Variants in DRP2 observed in about 807,000 individuals in gnomAD.
The protein encoded by DRP2 is dystrophin-related protein 2.
A neutral mutation model predicts 78.2 loss-of-function variants in DRP2; 29 were observed. The ratio of observed to expected loss-of-function variants is 0.37; its 90% confidence interval spans 0.28 to 0.51. The LOEUF (loss-of-function observed/expected upper bound fraction) is 0.51. DRP2 is among the 20% of genes least tolerant of loss of function. The pLI is 0.94. For missense variants in DRP2, 686 were observed against 770.6 expected, an observed-to-expected ratio of 0.89 and a Z score of 1.30; for synonymous variants, 290 against 281.9, an observed-to-expected ratio of 1.03 and a Z score of -0.29.
chrX:101,241,132 T>C (rs1174290806), intron 6 of DRP2, among the ~76,000 whole-genome samples: 1 of 112,431 alleles, frequency 8.9e-6, no homozygotes, highest in Non-Finnish European at 1.9e-5. Flanking sequence ...CCTACTGTTT[T>C]AAAATATGAG....
At chrX:101,242,785 G>C in intron 8 of DRP2, 119 bp from the exon 9 acceptor site, 1 of 720,515 alleles carries the variant, frequency 1.4e-6, no homozygotes. Context: ...GGTGGGAGAG[G>C]CTGGAACCAG....
Position 101,242,785 on chromosome X carries a change from G to T in DRP2, c.976-119G>T, listed in dbSNP as rs1018014221. On this transcript the variant is annotated intron_variant, in intron 8 of 23. Coordinates refer to ENST00000395209, the MANE Select transcript of DRP2 (RefSeq NM_001939.3). ...TAGGAGTTGGGTGACGGTGGGAGAG[G>T]CTGGAACCAGAGAAAAGCCAGTCCC... 621 of 717,963 alleles carry T rather than the reference G, an allele frequency of 8.6e-4. 4 individuals are homozygous for T. The highest frequency in any genetic ancestry group is 3.6e-4 in the Admixed American group (14 of 38,806). The allele number at this position is 717,963 out of a possible 1,213,427, so 59.2% of individuals were successfully genotyped here. A position where few individuals can be genotyped will look rare whatever the true frequency, so the allele number is the denominator to read the frequency against.
At chrX:101,256,322 T>C in intron 21 of DRP2, 61 bp downstream of exon 21, 1 of 1,045,393 alleles carries the variant, frequency 9.6e-7, no homozygotes, top group Non-Finnish European at 1.3e-6. Flanking sequence ...TGAATTTAAG[T>C]CCAGGCACTT....
chrX:101,251,784 G>A (rs1041433153), intron 16 of DRP2: 6 of 112,143 alleles, frequency 5.4e-5, no homozygotes, highest in African/African-American at 1.9e-4. Flanking sequence ...GTATATACCT[G>A]TGACCAACTT....
intron 1 of DRP2, among the ~76,000 whole-genome samples, chrX:101,224,186 T>TTTTTG (rs1569507489): frequency 5.3e-4 from 37 of 70,307 alleles, no homozygotes; most frequent in South Asian, 1.3e-3. Flanking sequence ...TGCTGGGTTT[T>TTTTTG]TTTTGTTTTT....
At chrX:101,253,056 C>T (rs749659619) in intron 17 of DRP2, among the ~76,000 whole-genome samples, 99 of 112,029 alleles carry the variant, frequency 8.8e-4, no homozygotes, top group Middle Eastern at 4.6e-3. Context: ...CCAGGTGATT[C>T]GCCTTCCATT....
chrX:101,234,573 C>T (rs1239720617), intron 3 of DRP2, among the ~76,000 whole-genome samples: 1 of 112,613 alleles, frequency 8.9e-6, no homozygotes, highest in Non-Finnish European at 1.9e-5. Flanking sequence ...TTGCTCAGAG[C>T]CTGTCAGGAT....
intron 17 of DRP2, among the ~76,000 whole-genome samples, chrX:101,253,714 C>G (rs1243559396): frequency 1.8e-5 from 2 of 108,789 alleles, no homozygotes; most frequent in Non-Finnish European, 3.8e-5. Context: ...TCCCCACAAT[C>G]CATCTGTCCA....
At chrX:101,255,826 A>T (rs1026746191) in intron 20 of DRP2, among the ~76,000 whole-genome samples, 3 of 93,634 alleles carry the variant, frequency 3.2e-5, no homozygotes, top group East Asian at 8.1e-4. Flanking sequence ...AGAGTAGGGG[A>T]ACAGCACAGA....
At chrX:101,224,182 GTTTTTTTTGTTTTTTTTTTTTTTT>G (rs1569507482) in intron 1 of DRP2, among the ~76,000 whole-genome samples, 36 of 44,221 alleles carry the variant, frequency 8.1e-4, no homozygotes, top group Non-Finnish European at 6.9e-4. Context: ...TGTTTGCTGG[GTTTTTTTTGTTTTTTTTTTTTTTT>G]TTTTTTTTTT....
At chrX:101,220,740 G>A (rs1284119957) in intron 1 of DRP2, among the ~76,000 whole-genome samples, 1 of 111,068 alleles carries the variant, frequency 9.0e-6, no homozygotes, top group Non-Finnish European at 1.9e-5. Flanking sequence ...CTAAGAGCCT[G>A]GAGCTGAAGG....
chrX:101,224,199 T>G (rs1400553697), intron 1 of DRP2, among the ~76,000 whole-genome samples: 4 of 66,087 alleles, frequency 6.1e-5, no homozygotes, highest in Non-Finnish European at 8.4e-5. Context: ...TTGTTTTTTT[T>G]TTTTTTTTTT....
At chrX:101,247,185 C>G in intron 12 of DRP2, 21 bp downstream of exon 12, 1 of 1,179,113 alleles carries the variant, frequency 8.5e-7, no homozygotes, top group Non-Finnish European at 1.1e-6. Flanking sequence ...TGTTGTACTT[C>G]CCTATGACGT....
In DRP2 at chrX:101,228,551, G is replaced by A. The variant is rs1025023883; in HGVS notation, c.-63-3034G>A. ...TTGAATAGTGTGGATTTGACTCTAG[G>A]TCTGTCTGATGCCAGTGCCCATGGC... On this transcript the variant is annotated intron_variant, in intron 2 of 23. Transcript: ENST00000395209. Among the ~76,000 whole-genome samples the A allele has an allele frequency of 1.8e-4, 20 of 111,658 alleles. No homozygotes were observed. In the East Asian group the frequency reaches 2.2e-3, roughly 13 times the overall value.
chrX:101,244,893 A>G (rs1324270006), intron 9 of DRP2, 124 bp from the exon 10 acceptor site: 17 of 598,074 alleles, frequency 2.8e-5, no homozygotes, highest in Non-Finnish European at 3.9e-5. Context: ...AGAGCTGGCA[A>G]TGAAATTCAG....
Position 101,258,360 on chromosome X carries a change from T to C in DRP2, c.2442T>C (p.Ala814=). 8.4e-7 allele frequency: 1 copy of C among 1,197,208 alleles called. No homozygotes were observed. The highest frequency in any genetic ancestry group is 1.1e-6 in the Non-Finnish European group (1 of 888,177). Residue 814 remains alanine (A), a synonymous_variant, in exon 22 of 24, where the codon GCT becomes GCC. Coordinates refer to ENST00000395209, the MANE Select transcript of DRP2 (RefSeq NM_001939.3). ...RRLKWQHEEA[A]EAPSLADGST... ...TGAAGTGGCAGCATGAGGAGGCAGC[T>C]GAGGCACCCAGTCTGGCTGACGGCT...
At chrX:101,221,418 G>T (rs1474985882) in intron 1 of DRP2, among the ~76,000 whole-genome samples, 2 of 112,151 alleles carry the variant, frequency 1.8e-5, no homozygotes, top group Non-Finnish European at 3.8e-5. Flanking sequence ...GCCTTCTAAG[G>T]AAACCTCCGT....
At chrX:101,242,015 C>A in intron 7 of DRP2, 79 bp downstream of exon 7, 1 of 1,058,752 alleles carries the variant, frequency 9.4e-7, no homozygotes, top group African/African-American at 1.8e-5. Flanking sequence ...GTTTCTGCTG[C>A]TGAGACTCCA....
intron 5 of DRP2, 96 bp from the exon 6 acceptor site, chrX:101,238,885 C>G: frequency 1.9e-6 from 2 of 1,056,608 alleles, no homozygotes; most frequent in Non-Finnish European, 2.6e-6. Flanking sequence ...AGAATCAAGA[C>G]ACACTGAGAA....
Sources: gnomAD v4.1 joint callset for allele counts (sites outside exome capture counted in the v4.1 genomes callset) on GRCh38, gnomAD v4.1.1 for gene constraint, MANE v1.5 for transcripts, NCBI Gene and HGNC (gene_info 2026-07-23, HGNC 2026-07-21) for gene names.